ZNF532: variants seen among roughly 807,000 people sequenced by gnomAD.
ZNF532 encodes zinc finger protein 532.
A neutral mutation model predicts 89.3 loss-of-function variants in ZNF532; 22 were observed. That is an observed-to-expected ratio of 0.25 (90% CI 0.18 to 0.35). The LOEUF (loss-of-function observed/expected upper bound fraction) is 0.35, where lower values mean the gene tolerates loss of function less well. Among genes scored for constraint, ZNF532 ranks in the 10% least tolerant of loss-of-function variants. The pLI is 1.00. For synonymous variants in ZNF532, 606 were observed against 649.6 expected (o/e 0.93, Z 1.02); for missense variants, 1,132 against 1,643.4 (o/e 0.69, Z 5.38).
rs188774330 is a variant in ZNF532, at chr18:58,943,549, A to C, written c.2705+3928A>C. ...GCAATCTTGGCTCACTGCAACCTCC[A>C]ACTCCCTGGTTCAAGCGATTCTCCT... On this transcript the variant is annotated intron_variant, in intron 5 of 9. Transcript: ENST00000591808. Among the ~76,000 whole-genome samples the C allele has an allele frequency of 2.2e-4, 33 of 149,276 alleles. No individual in the cohort carries two copies. The East Asian group carries it at 6.1e-3, about 28-fold the overall frequency.
intron 2 of ZNF532, among the ~76,000 whole-genome samples, chr18:58,880,774 CTG>C (rs1491083377): frequency 4.2e-5 from 6 of 142,306 alleles, no homozygotes; most frequent in South Asian, 4.4e-4. Flanking sequence ...GCGCGCGCGT[CTG>C]TGTGTGTGTG....
intron 7 of ZNF532, among the ~76,000 whole-genome samples, chr18:58,960,899 T>TA (rs570896704): frequency 4.4e-4 from 66 of 149,962 alleles, no homozygotes; most frequent in African/African-American, 9.3e-4. Flanking sequence ...GCTTTTCACT[T>TA]AAAAAAAAAA....
intron 7 of ZNF532, among the ~76,000 whole-genome samples, chr18:58,973,318 G>A (rs1223777047): frequency 6.6e-6 from 1 of 152,218 alleles, no homozygotes; most frequent in Non-Finnish European, 1.5e-5. Context: ...GGCCAGGCTG[G>A]ACTTGAACTC....
At chr18:58,894,394 G>T (rs371704337) in intron 2 of ZNF532, among the ~76,000 whole-genome samples, 5 of 151,542 alleles carry the variant, frequency 3.3e-5, no homozygotes, top group African/African-American at 1.2e-4. Context: ...TTGAACCTGA[G>T]GGGTGGAGGT....
intron 2 of ZNF532, among the ~76,000 whole-genome samples, chr18:58,901,248 T>A (rs2145652082): frequency 6.6e-6 from 1 of 152,318 alleles, no homozygotes; most frequent in East Asian, 1.9e-4. Context: ...CCTCTTGGCT[T>A]CTAGCACTTT....
chr18:58,934,701 T>A, intron 4 of ZNF532, 87 bp downstream of exon 4: 4 of 1,354,260 alleles, frequency 3.0e-6, no homozygotes, highest in Non-Finnish European at 4.1e-6. Context: ...CACAGTTTTC[T>A]GGGTCATACG....
intron 2 of ZNF532, among the ~76,000 whole-genome samples, chr18:58,889,313 C>T (rs1602684242): frequency 6.6e-6 from 1 of 152,180 alleles, no homozygotes; most frequent in East Asian, 1.9e-4. Context: ...AGGTAACTGC[C>T]ACAAATAAAG....
intron 2 of ZNF532, among the ~76,000 whole-genome samples, chr18:58,908,674 T>C (rs763848955): frequency 6.6e-6 from 1 of 152,216 alleles, no homozygotes; most frequent in African/African-American, 2.4e-5. Context: ...TTTGCAACAA[T>C]AAAAGTTTCT....
At chr18:58,942,774 A>G (rs4940779) in intron 5 of ZNF532, among the ~76,000 whole-genome samples, 32,201 of 152,236 alleles carry the variant, frequency 0.21, 4,087 homozygotes, top group East Asian at 0.56. Context: ...CATAAGTCCA[A>G]AATGACTAAA....
rs1568249050 is a variant in ZNF532, at chr18:58,888,887, TATTTTATATATATA to T, written c.-18+23309_-18+23322del. On this transcript the variant is annotated intron_variant, in intron 2 of 9. Coordinates refer to ENST00000591808, the MANE Select transcript of ZNF532 (RefSeq NM_001375912.1). Reference sequence around the variant, plus strand: ...ATATATAATATATATTATATATATATATTTTATATATATATATATATATATAATTCATACAGGCT... The same window carrying T: ...ATATATAATATATATTATATATATATTATATATATATAATTCATACAGGCT... Among the ~76,000 whole-genome samples, 42 of 52,442 alleles carry T rather than the reference TATTTTATATATATA, an allele frequency of 8.0e-4. 3 individuals carry two copies. The highest frequency in any genetic ancestry group is 2.3e-3 in the African/African-American group (25 of 10,850). The allele number at this position is 52,442 out of a possible 152,430, so 34.4% of individuals were successfully genotyped here. A position where few individuals can be genotyped will look rare whatever the true frequency, so the allele number is the denominator to read the frequency against.
At chr18:58,933,257 T>G (rs11152108) in intron 3 of ZNF532, among the ~76,000 whole-genome samples, 7 of 151,888 alleles carry the variant, frequency 4.6e-5, no homozygotes, top group Non-Finnish European at 8.8e-5. Context: ...TAAACATTTT[T>G]TGGGATAAAA....
chr18:58,913,851 T>C (rs984004250), intron 2 of ZNF532, among the ~76,000 whole-genome samples: 2 of 152,194 alleles, frequency 1.3e-5, no homozygotes, highest in Admixed American at 6.5e-5. Context: ...TTAAGGGAAA[T>C]GTTAGTTTCT....
chr18:58,923,632 A>T (rs1006631392), intron 3 of ZNF532, among the ~76,000 whole-genome samples: 1 of 152,104 alleles, frequency 6.6e-6, no homozygotes, highest in African/African-American at 2.4e-5. Flanking sequence ...AGAAAAGAAA[A>T]GAGAAAATAG....
intron 7 of ZNF532, among the ~76,000 whole-genome samples, chr18:58,959,239 C>G (rs191120954): frequency 7.8e-6 from 1 of 127,408 alleles, no homozygotes; most frequent in Non-Finnish European, 1.6e-5. Context: ...AACCTTAGAT[C>G]TTTTCAGTTT....
chr18:58,888,899 A>AT (rs1555709779), intron 2 of ZNF532, among the ~76,000 whole-genome samples: 7 of 77,876 alleles, frequency 9.0e-5, no homozygotes, highest in African/African-American at 2.8e-4. Flanking sequence ...TTTTATATAT[A>AT]TATATATATA....
At chr18:58,892,337 G>C (rs186669292) in intron 2 of ZNF532, among the ~76,000 whole-genome samples, 157 of 152,326 alleles carry the variant, frequency 1.0e-3, no homozygotes, top group Non-Finnish European at 1.9e-3. Context: ...GGGTACTCTT[G>C]AAAACACTGT....
rs1160565971 is a variant in ZNF532 at position 58,888,828 on chromosome 18, TTATATATATAATTTATA to T, written c.-18+23258_-18+23274del. On this transcript the variant is annotated intron_variant, in intron 2 of 9. Transcript: ENST00000591808. Reference sequence around the variant, plus strand: ...ATATATAAAAAATTATATATATAAATTATATATATAATTTATATATATATAATTTATATATATATAAT... The same window carrying T: ...ATATATAAAAAATTATATATATAAATTATATATAATTTATATATATATAAT... 2.4e-4 allele frequency among the ~76,000 whole-genome samples: 11 copies of T among 45,700 alleles called. 2 individuals carry two copies. Among genetic ancestry groups the T allele is most frequent in the Non-Finnish European group, 3.2e-4 (10 of 31,132 alleles). The allele number at this position is 45,700 out of a possible 152,430, so 30.0% of individuals were successfully genotyped here.
chr18:58,964,531 TTGTTTGTGTGTGTGTGTG>T (rs1208973842), intron 7 of ZNF532, among the ~76,000 whole-genome samples: 2 of 136,914 alleles, frequency 1.5e-5, no homozygotes, highest in Admixed American at 7.5e-5. Context: ...AATTGATATT[TTGTTTGTGTGTGTGTGTG>T]TGTGTGTGTG....
intron 2 of ZNF532, chr18:58,916,729 G>A: frequency 7.1e-6 from 7 of 985,430 alleles, no homozygotes; most frequent in Non-Finnish European, 8.4e-6. Flanking sequence ...TCCCCAGAGT[G>A]AGTTAATATA....
Sources: gnomAD v4.1 joint callset for allele counts (sites outside exome capture counted in the v4.1 genomes callset) on GRCh38, gnomAD v4.1.1 for gene constraint, MANE v1.5 for transcripts, NCBI Gene and HGNC (gene_info 2026-07-23, HGNC 2026-07-21) for gene names.